The following DMD variants were observed in gnomAD, a reference collection of about 807,000 sequenced individuals.
The protein encoded by DMD is mutant dystrophin.
A neutral mutation model predicts 330.1 loss-of-function variants in DMD; 63 were observed. That is an observed-to-expected ratio of 0.19 (90% CI 0.16 to 0.24). DMD has a LOEUF of 0.24. DMD is among the 10% of genes least tolerant of loss of function. DMD has a pLI of 1.00. For missense variants in DMD, 3,344 were observed against 2,684.1 expected (o/e 1.25, Z -5.43); for synonymous variants, 1,223 against 959.8 (o/e 1.27, Z -5.07).
intron 2 of DMD, among the ~76,000 whole-genome samples, chrX:32,869,099 G>A (rs1458677979): frequency 1.8e-5 from 2 of 111,362 alleles, no homozygotes; most frequent in Non-Finnish European, 3.8e-5. Flanking sequence ...ACATTTCCAA[G>A]TGCAGAAGGG....
At chrX:32,560,680 A>T (rs981300421) in intron 16 of DMD, among the ~76,000 whole-genome samples, 1 of 111,648 alleles carries the variant, frequency 9.0e-6, no homozygotes, top group Non-Finnish European at 1.9e-5. Flanking sequence ...ATAAGTGAGA[A>T]CATGCAGTGT....
chrX:32,422,010 A>C (rs1313455351), intron 29 of DMD, among the ~76,000 whole-genome samples: 1 of 111,461 alleles, frequency 9.0e-6, no homozygotes, highest in African/African-American at 3.3e-5. Context: ...GAAAGCGTTC[A>C]TTCTACTTCA....
intron 11 of DMD, among the ~76,000 whole-genome samples, chrX:32,620,822 G>C (rs929651969): frequency 2.7e-5 from 3 of 112,015 alleles, no homozygotes; most frequent in Non-Finnish European, 5.6e-5. Flanking sequence ...ATTATAATTA[G>C]ATTTATATAC....
chrX:33,138,057 C>T (rs2047608639), intron 1 of DMD, among the ~76,000 whole-genome samples: 1 of 109,835 alleles, frequency 9.1e-6, no homozygotes, highest in South Asian at 3.9e-4. Flanking sequence ...GATGAAGAAA[C>T]TAAGGAAAAA....
intron 41 of DMD, among the ~76,000 whole-genome samples, chrX:32,334,923 C>T (rs892303073): frequency 9.0e-6 from 1 of 111,276 alleles, no homozygotes; most frequent in Non-Finnish European, 1.9e-5. Flanking sequence ...TTATTAATAA[C>T]TCCCACCATG....
chrX:32,769,683 C>G (rs1266921455), intron 7 of DMD, among the ~76,000 whole-genome samples: 4 of 111,194 alleles, frequency 3.6e-5, no homozygotes, highest in Non-Finnish European at 7.5e-5. Context: ...TAATCATGCC[C>G]TTGGAAAGAT....
At chrX:31,351,672 G>A (rs5927734) in intron 60 of DMD, among the ~76,000 whole-genome samples, 24,975 of 95,625 alleles carry the variant, frequency 0.26, 2,839 homozygotes, top group East Asian at 0.53. Flanking sequence ...GTTGCAGTGC[G>A]CCGAGATCGT....
rs140070810 is a variant in DMD, at chrX:31,828,698, A to G, written c.7200+8020T>C. On this transcript the variant is annotated intron_variant, in intron 49 of 78. Coordinates refer to ENST00000357033, the MANE Select transcript of DMD (RefSeq NM_004006.3). The stretch of plus-strand genomic sequence containing the variant: ...AAAAAAAAAGAAAGAAACCCTGAAC[A>G]TACCAGTAACGAGCAGCAAGGTTGA... Among the ~76,000 whole-genome samples, 12 of 109,784 alleles carry G rather than the reference A, an allele frequency of 1.1e-4. No homozygotes were observed. The East Asian group carries it at 2.8e-3, about 26-fold the overall frequency.
At chrX:31,932,536 A>G (rs960797336) in intron 45 of DMD, among the ~76,000 whole-genome samples, 8 of 111,764 alleles carry the variant, frequency 7.2e-5, no homozygotes, top group Non-Finnish European at 1.5e-4. Flanking sequence ...ACTTGAGGTC[A>G]GGAGTTTGCG....
At chrX:32,437,177 T>C (rs1268247765) in intron 29 of DMD, among the ~76,000 whole-genome samples, 1 of 112,173 alleles carries the variant, frequency 8.9e-6, no homozygotes, top group Non-Finnish European at 1.9e-5. Flanking sequence ...GCAACAATGA[T>C]GAAGGACCAG....
chrX:31,799,373 T>G (rs924502358), intron 50 of DMD, among the ~76,000 whole-genome samples: 39 of 111,402 alleles, frequency 3.5e-4, no homozygotes, highest in Non-Finnish European at 6.2e-4. Flanking sequence ...CTTCACAGGG[T>G]GGCAGGAGGG....
At chrX:31,437,365 A>T (rs892707074) in intron 60 of DMD, among the ~76,000 whole-genome samples, 1 of 111,729 alleles carries the variant, frequency 9.0e-6, no homozygotes, top group Non-Finnish European at 1.9e-5. Flanking sequence ...GAATTTCTAT[A>T]TGTGGTTACA....
intron 1 of DMD, among the ~76,000 whole-genome samples, chrX:33,043,367 TAG>T (rs2094331271): frequency 1.8e-5 from 2 of 111,841 alleles, no homozygotes; most frequent in Admixed American, 9.5e-5. Flanking sequence ...ACTGAACCAT[TAG>T]AGGTTTGGGC....
At chrX:32,555,818 C>A (rs1040916496) in intron 16 of DMD, among the ~76,000 whole-genome samples, 1 of 111,790 alleles carries the variant, frequency 8.9e-6, no homozygotes, top group Non-Finnish European at 1.9e-5. Flanking sequence ...CAAAAATTAA[C>A]TCAAGATGGA....
At chrX:31,840,510 A>G (rs189849579) in intron 48 of DMD, among the ~76,000 whole-genome samples, 22 of 99,551 alleles carry the variant, frequency 2.2e-4, no homozygotes, top group African/African-American at 7.6e-4. Context: ...GGTATACCTC[A>G]TTTTACTGAG....
rs72468657 is a variant in DMD, at chrX:32,448,273, A to G, written c.3786+183T>C. Among the ~76,000 whole-genome samples, 1,000 of 111,167 alleles carry G rather than the reference A, an allele frequency of 9.0e-3. 11 individuals carry two copies. Among genetic ancestry groups the G allele is most frequent in the African/African-American group, 0.03 (925 of 30,729 alleles). On this transcript the variant is annotated intron_variant, in intron 27 of 78. Coordinates refer to ENST00000357033, the MANE Select transcript of DMD (RefSeq NM_004006.3). ...ATGAATTATGTATTATGTCTAGTTG[A>G]CAGATTGAAAACAGGTTTACACAAG... is the stretch of plus-strand genomic sequence containing the variant.
chrX:32,142,424 G>A (rs1480743485), intron 44 of DMD, among the ~76,000 whole-genome samples: 2 of 112,162 alleles, frequency 1.8e-5, no homozygotes, highest in East Asian at 2.8e-4. Flanking sequence ...TGCACTTGCT[G>A]AGTCCCCTTG....
intron 13 of DMD, 116 bp downstream of exon 13, chrX:32,595,641 A>C: frequency 1.4e-6 from 1 of 709,002 alleles, no homozygotes; most frequent in East Asian, 3.6e-5. Flanking sequence ...TATATTGTAC[A>C]CATATTGTAT....
At chrX:33,314,560 TTTTTTTTTTG>T (rs1326461560) in intron 1 of DMD, among the ~76,000 whole-genome samples, 1 of 67,074 alleles carries the variant, frequency 1.5e-5, no homozygotes, top group Admixed American at 1.7e-4. Context: ...GCCCAGCCTG[TTTTTTTTTTG>T]TTTTTTTTTT....
Sources: gnomAD v4.1 joint callset for allele counts (sites outside exome capture counted in the v4.1 genomes callset) on GRCh38, gnomAD v4.1.1 for gene constraint, MANE v1.5 for transcripts, NCBI Gene and HGNC (gene_info 2026-07-23, HGNC 2026-07-21) for gene names.